KANK1: variants seen among roughly 807,000 people sequenced by gnomAD.
KANK1 encodes the protein KN motif and ankyrin repeat domains 1, also known as KN motif and ankyrin repeat domain-containing protein 1.
KANK1 carries 109 observed loss-of-function variants against 106.2 expected under a neutral mutation model. The ratio of observed to expected loss-of-function variants is 1.03; its 90% CI spans 0.88 to 1.20. The LOEUF (loss-of-function observed/expected upper bound fraction) is 1.20, where lower values mean the gene tolerates loss of function less well. KANK1 is among the 50% of genes most tolerant of loss of function. The pLI, the probability that KANK1 is intolerant of heterozygous loss-of-function variation, is 0.00. For missense variants in KANK1, 2,399 were observed against 1,710.7 expected, an observed-to-expected ratio of 1.40 and a Z score of -7.10; for synonymous variants, 873 against 652.2, an observed-to-expected ratio of 1.34 and a Z score of -5.16.
chr9:560,978 T>G (rs1472192994), intron 1 of KANK1, among the ~76,000 whole-genome samples: 1 of 152,198 alleles, frequency 6.6e-6, no homozygotes, highest in Non-Finnish European at 1.5e-5. Flanking sequence ...TCTGGCAGCT[T>G]TAATGGCACA....
intron 2 of KANK1, among the ~76,000 whole-genome samples, chr9:679,997 A>G (rs17431434): frequency 0.022 from 3,366 of 152,306 alleles, 51 homozygotes; most frequent in Non-Finnish European, 0.033. Flanking sequence ...GAGAACCTAG[A>G]TGAAGATGAG....
intron 3 of KANK1, among the ~76,000 whole-genome samples, chr9:720,098 T>C (rs532617977): frequency 1.3e-5 from 2 of 152,320 alleles, no homozygotes; most frequent in East Asian, 3.9e-4. Flanking sequence ...ACACTGAGAT[T>C]TCTGTCACTT....
chr9:586,802 C>G (rs981441625), intron 1 of KANK1, among the ~76,000 whole-genome samples: 4 of 152,120 alleles, frequency 2.6e-5, no homozygotes, highest in Non-Finnish European at 5.9e-5. Flanking sequence ...TAGCCTTTAC[C>G]TAAAGCAAAA....
chr9:518,020 G>T (rs1181559431), intron 1 of KANK1, among the ~76,000 whole-genome samples: 1 of 151,624 alleles, frequency 6.6e-6, no homozygotes, highest in Non-Finnish European at 1.5e-5. Flanking sequence ...TTACAGGCAT[G>T]AGCCACCTTG....
chr9:693,815 G>A, intron 2 of KANK1: 1 of 985,310 alleles, frequency 1.0e-6, no homozygotes, highest in Non-Finnish European at 1.2e-6. Flanking sequence ...AAAAGAAAGA[G>A]AGGAGGAGAG....
At chr9:648,098 G>A (rs997473530) in intron 1 of KANK1, among the ~76,000 whole-genome samples, 1 of 148,822 alleles carries the variant, frequency 6.7e-6, no homozygotes, top group East Asian at 1.9e-4. Flanking sequence ...CCGCATCCCG[G>A]GTTCAAGCAA....
intron 3 of KANK1, among the ~76,000 whole-genome samples, chr9:495,762 A>G (rs1373185040): frequency 1.3e-5 from 2 of 151,940 alleles, no homozygotes; most frequent in East Asian, 1.9e-4. Flanking sequence ...GTTCAGAAAA[A>G]CCTTCATTTT....
At chr9:628,323 A>T (rs996338867) in intron 1 of KANK1, among the ~76,000 whole-genome samples, 4 of 152,052 alleles carry the variant, frequency 2.6e-5, no homozygotes, top group African/African-American at 9.7e-5. Context: ...TGTTTTTGAG[A>T]CTTTGGTTTC....
intron 1 of KANK1, among the ~76,000 whole-genome samples, chr9:550,047 G>T (rs1396742536): frequency 6.6e-6 from 1 of 152,126 alleles, no homozygotes; most frequent in African/African-American, 2.4e-5. Flanking sequence ...TCAAAGCAAG[G>T]ACTTGCTTTC....
chr9:527,393 C>G (rs543668591), intron 1 of KANK1, among the ~76,000 whole-genome samples: 1 of 151,812 alleles, frequency 6.6e-6, no homozygotes, highest in African/African-American at 2.4e-5. Flanking sequence ...CCTACGCCAC[C>G]CAGTTTGAAG....
intron 2 of KANK1, among the ~76,000 whole-genome samples, chr9:681,585 TGC>T (rs1371364547): frequency 5.9e-5 from 9 of 152,136 alleles, no homozygotes; most frequent in African/African-American, 1.7e-4. Context: ...AAGGTGGTTG[TGC>T]AGGGAAAAAA....
At chr9:513,263 C>A (rs1283207322) in intron 1 of KANK1, among the ~76,000 whole-genome samples, 1 of 152,242 alleles carries the variant, frequency 6.6e-6, no homozygotes, top group East Asian at 1.9e-4. Flanking sequence ...GATATTTTCA[C>A]CAATGAAGAA....
At chr9:735,510 A>G (rs7849134) in intron 7 of KANK1, among the ~76,000 whole-genome samples, 43,596 of 152,130 alleles carry the variant, frequency 0.29, 7,059 homozygotes, top group Non-Finnish European at 0.38. Context: ...ACATTCTTTC[A>G]TAGGCCAGAC....
chr9:618,565 C>T (rs746305212), intron 1 of KANK1, among the ~76,000 whole-genome samples: 6 of 151,976 alleles, frequency 3.9e-5, no homozygotes, highest in Admixed American at 6.6e-5. Context: ...AAATACTTAT[C>T]GGAACAATTT....
chr9:732,400 G>A lies in KANK1; in HGVS notation c.3028G>A (p.Asp1010Asn). 1 of 1,612,398 alleles carries A rather than the reference G, an allele frequency of 6.2e-7. No individual in the cohort carries two copies. Among genetic ancestry groups the A allele is most frequent in the Non-Finnish European group, 8.5e-7 (1 of 1,178,540 alleles). ...NGGYETTSSD[D>N]SSSDESSSSE... ...TAGGTATGAAACAACTTCAAGTGAT[G>A]ATTCCAGCTCAGATGAAAGCTCTTC... Residue 1010 changes from aspartate (D) to asparagine (N), a missense_variant, in exon 6 of 12, where the codon GAT becomes AAT. Physicochemically the swap from Asp to Asn is conservative, Grantham distance 23. Coordinates refer to ENST00000382297, the MANE Select transcript of KANK1 (RefSeq NM_015158.5).
intron 2 of KANK1, among the ~76,000 whole-genome samples, chr9:705,863 AGT>A (rs1410802178): frequency 9.9e-5 from 15 of 152,158 alleles, no homozygotes; most frequent in Non-Finnish European, 1.8e-4. Context: ...GGTCTCCCAA[AGT>A]GCTGGGATTA....
chr9:513,111 A>G (rs2059109035), intron 1 of KANK1, among the ~76,000 whole-genome samples: 1 of 152,222 alleles, frequency 6.6e-6, no homozygotes, highest in African/African-American at 2.4e-5. Context: ...GGAATTGCCT[A>G]TGAGTGTGTC....
chr9:704,735 T>G (rs1483341473), intron 2 of KANK1, among the ~76,000 whole-genome samples: 1 of 152,064 alleles, frequency 6.6e-6, no homozygotes, highest in Non-Finnish European at 1.5e-5. Context: ...AATTCCAGCA[T>G]GTTGAGAGGC....
intron 3 of KANK1, among the ~76,000 whole-genome samples, chr9:727,508 G>T (rs1318482239): frequency 2.6e-5 from 4 of 152,002 alleles, no homozygotes; most frequent in African/African-American, 9.7e-5. Flanking sequence ...TAGAGATGGA[G>T]TTTCACCATG....
Sources: allele counts gnomAD v4.1 joint callset (sites outside exome capture counted in the v4.1 genomes callset), GRCh38; gene constraint gnomAD v4.1.1; transcripts MANE v1.5; gene names NCBI Gene and HGNC (gene_info 2026-07-23, HGNC 2026-07-21).